Variants in ZNF324B observed in about 807,000 individuals in gnomAD.
ZNF324B encodes the protein zinc finger protein 324B.
A neutral mutation model predicts 10.6 loss-of-function variants in ZNF324B; 7 were observed. The ratio of observed to expected loss-of-function variants is 0.66; its 90% confidence interval spans 0.38 to 1.24. ZNF324B has a LOEUF of 1.24. ZNF324B is among the 50% of genes most tolerant of loss of function. ZNF324B has a pLI of 0.02. For synonymous variants in ZNF324B, 316 were observed against 321.0 expected (o/e 0.98, Z 0.17); for missense variants, 640 against 764.7 (o/e 0.84, Z 1.92).
upstream of ZNF324B, among the ~76,000 whole-genome samples, chr19:58,450,505 GT>G (rs1329394412): frequency 2.0e-5 from 3 of 149,916 alleles, no homozygotes; most frequent in Non-Finnish European, 4.4e-5. Flanking sequence ...TGCTTGAAAT[GT>G]TAATAATGCC....
chr19:58,441,000 C>CT, the ZNF324B span: 1 of 152,590 alleles, frequency 6.6e-6, no homozygotes, highest in African/African-American at 2.4e-5. Context: ...GGAGCGTTCA[C>CT]AGGTTGGGGG....
chr19:58,441,455 C>T, the ZNF324B span: 1 of 152,172 alleles, frequency 6.6e-6, no homozygotes, highest in Non-Finnish European at 1.5e-5. Flanking sequence ...TTTTTGCTAC[C>T]TTAGATAAGT....
chr19:58,423,684 A>G, the ZNF324B span, among the ~76,000 whole-genome samples: 1 of 152,226 alleles, frequency 6.6e-6, no homozygotes, highest in Non-Finnish European at 1.5e-5. Context: ...ACAAGGCTAT[A>G]GTGACCAAAA....
At chr19:58,420,388 C>T in the ZNF324B span, among the ~76,000 whole-genome samples, 1 of 151,158 alleles carries the variant, frequency 6.6e-6, no homozygotes, top group Admixed American at 6.6e-5. Context: ...CACTATTCTC[C>T]AGCCTGGGTG....
At chr19:58,431,827 T>TA in the ZNF324B span, among the ~76,000 whole-genome samples, 1 of 152,150 alleles carries the variant, frequency 6.6e-6, no homozygotes, top group East Asian at 1.9e-4. Context: ...CCGTCTCTAC[T>TA]AAAAATACAA....
intron 3 of ZNF324B, 200 bp from the exon 4 acceptor site, chr19:58,454,982 TC>T (rs1389491116): frequency 2.1e-5 from 16 of 754,132 alleles, no homozygotes; most frequent in African/African-American, 3.5e-5. Flanking sequence ...ATCATGGGAG[TC>T]CCCACTGCAG....
At position 58,455,245 on chromosome 19, in the gene ZNF324B, A is replaced by G. The variant is rs1599983218; in HGVS notation, c.301A>G (p.Thr101Ala). 1.2e-6 allele frequency: 2 copies of G among 1,614,048 alleles called. No homozygotes were observed. The highest frequency in any genetic ancestry group is 2.2e-5 in the East Asian group (1 of 44,866). Residue 101 changes from threonine (T) to alanine (A), a missense_variant, in exon 4 of 4, where the codon ACC (threonine) becomes GCC (alanine). Thr to Ala is a moderately conservative substitution (Grantham distance 58, BLOSUM62 0). Coordinates refer to ENST00000336614, the MANE Select transcript of ZNF324B (RefSeq NM_207395.3). This position sits in a 1 kb window ranked among gnomAD's most constrained non-coding sequence, Gnocchi z 7.0. ...SGEWPRAFPDTPPGMTTSVFP... is the reference protein window; with the variant it reads ...SGEWPRAFPDAPPGMTTSVFP... ...AGAATGGCCACGAGCTTTCCCAGATACCCCACCTGGGATGACTACTAGCGT... is the reference window on the plus strand; with the variant it reads ...AGAATGGCCACGAGCTTTCCCAGATGCCCCACCTGGGATGACTACTAGCGT...
the ZNF324B span, among the ~76,000 whole-genome samples, chr19:58,422,172 C>T: frequency 6.6e-6 from 1 of 152,180 alleles, no homozygotes; most frequent in Non-Finnish European, 1.5e-5. Context: ...CCCTCTTACC[C>T]TCCTAACATG....
At chr19:58,434,009 T>C in the ZNF324B span, 5 of 1,614,214 alleles carry the variant, frequency 3.1e-6, no homozygotes, top group South Asian at 5.5e-5. Flanking sequence ...GTGTGAACTT[T>C]CTGATGTCGA....
the ZNF324B span, chr19:58,441,519 G>A: frequency 6.6e-6 from 1 of 152,262 alleles, no homozygotes; most frequent in South Asian, 2.1e-4. Flanking sequence ...GGAAGAATTA[G>A]GATGCCTCCT....
the ZNF324B span, chr19:58,439,751 C>T: frequency 5.3e-5 from 82 of 1,533,426 alleles, 2 homozygotes; most frequent in Middle Eastern, 1.7e-4. Flanking sequence ...GGGGCACACT[C>T]CACTTACCTG....
the ZNF324B span, chr19:58,445,750 G>T: frequency 7.2e-4 from 229 of 316,254 alleles, 5 homozygotes; most frequent in South Asian, 6.1e-3. Flanking sequence ...AGGGGGCAGA[G>T]GTTGCAGTGA....
At chr19:58,430,520 C>T in the ZNF324B span, 1 of 152,192 alleles carries the variant, frequency 6.6e-6, no homozygotes, top group Non-Finnish European at 1.5e-5. Flanking sequence ...CTTGTGAATT[C>T]TCTGGTGATT....
the ZNF324B span, among the ~76,000 whole-genome samples, chr19:58,424,523 A>G: frequency 2.4e-4 from 36 of 152,368 alleles, no homozygotes; most frequent in African/African-American, 8.2e-4. Flanking sequence ...AATTTAAACT[A>G]TGATGAGATA....
At chr19:58,437,687 A>G in the ZNF324B span, 1 of 983,402 alleles carries the variant, frequency 1.0e-6, no homozygotes, top group Non-Finnish European at 1.2e-6. Context: ...TTCACACTGT[A>G]GGCATTCTCC....
At chr19:58,434,635 C>T in the ZNF324B span, 6 of 1,614,204 alleles carry the variant, frequency 3.7e-6, no homozygotes, top group Non-Finnish European at 5.1e-6. Context: ...TAAGAAATTT[C>T]CACCTGTTGG....
chr19:58,430,189 C>CA, the ZNF324B span: 3 of 152,146 alleles, frequency 2.0e-5, no homozygotes, highest in African/African-American at 7.2e-5. Flanking sequence ...CAGCAGCCCA[C>CA]AAAAAACTGA....
At chr19:58,435,249 C>T in the ZNF324B span, 3 of 1,581,052 alleles carry the variant, frequency 1.9e-6, no homozygotes, top group Non-Finnish European at 2.6e-6. Context: ...AAGAATTCCA[C>T]TTGGTGGGAA....
chr19:58,444,362 TG>T, the ZNF324B span: 2 of 152,240 alleles, frequency 1.3e-5, no homozygotes, highest in African/African-American at 4.8e-5. Context: ...TATCTGCACA[TG>T]GTGGCTCATA....
Sources: allele counts gnomAD v4.1 joint callset (sites outside exome capture counted in the v4.1 genomes callset), GRCh38; gene constraint gnomAD v4.1.1; non-coding constraint Gnocchi (gnomAD v3.1); transcripts MANE v1.5; gene names NCBI Gene and HGNC (gene_info 2026-07-23, HGNC 2026-07-21).